Variants in JARID2 observed in about 807,000 individuals in gnomAD.
The protein encoded by JARID2 is jumonji and AT-rich interaction domain containing 2.
A neutral mutation model predicts 125.6 loss-of-function variants in JARID2; 21 were observed. That is an observed-to-expected ratio of 0.17 (90% CI 0.12 to 0.24). JARID2 has a LOEUF of 0.24. Among genes scored for constraint, JARID2 ranks in the 10% least tolerant of loss-of-function variants. The probability of loss-of-function intolerance (pLI) is 1.00; values close to 1 mark genes in which losing one functional copy is unlikely to be tolerated. For synonymous variants in JARID2, 736 were observed against 661.6 expected (o/e 1.11, Z -1.73); for missense variants, 1,303 against 1,639.6 (o/e 0.79, Z 3.55).
chr6:15,295,335 A>T (rs886072188), intron 1 of JARID2, among the ~76,000 whole-genome samples: 17 of 152,066 alleles, frequency 1.1e-4, no homozygotes, highest in African/African-American at 4.1e-4. Context: ...GTTAGCCAGG[A>T]TGGTCTTGAT....
intron 1 of JARID2, among the ~76,000 whole-genome samples, chr6:15,275,542 C>CCA (rs1554118168): frequency 9.3e-6 from 1 of 107,326 alleles, no homozygotes; most frequent in Non-Finnish European, 2.0e-5. Flanking sequence ...CGCCCCCCCC[C>CCA]CCGTCTTTTG....
intron 1 of JARID2, among the ~76,000 whole-genome samples, chr6:15,321,780 CTTGT>C (rs1409368539): frequency 1.3e-4 from 11 of 83,708 alleles, no homozygotes; most frequent in Admixed American, 8.3e-4. Flanking sequence ...TGGAAGAATT[CTTGT>C]TTTTTTTTTT....
chr6:15,269,052 T>A (rs2127348670), intron 1 of JARID2, among the ~76,000 whole-genome samples: 1 of 152,284 alleles, frequency 6.6e-6, no homozygotes, highest in South Asian at 2.1e-4. Flanking sequence ...TTGGGGAATG[T>A]CCTAGAATTT....
chr6:15,384,986 C>T (rs1032713157), intron 2 of JARID2, among the ~76,000 whole-genome samples: 16 of 152,208 alleles, frequency 1.1e-4, no homozygotes, highest in African/African-American at 2.7e-4. Flanking sequence ...TCCCTGTGCT[C>T]GCTCAGCTTC....
intron 5 of JARID2, among the ~76,000 whole-genome samples, chr6:15,479,191 T>G (rs1769494490): frequency 6.6e-6 from 1 of 152,184 alleles, no homozygotes; most frequent in South Asian, 2.1e-4. Flanking sequence ...TTAGAGTGAC[T>G]GATGCCCACA....
chr6:15,308,296 T>G (rs931935797), intron 1 of JARID2, among the ~76,000 whole-genome samples: 12 of 152,210 alleles, frequency 7.9e-5, no homozygotes, highest in Admixed American at 3.3e-4. Flanking sequence ...GGTGGGCGAT[T>G]TGAAAGTGAT....
chr6:15,518,169 AACGAAGCCTTTGCGGCTGAGC>A, intron 17 of JARID2, among the ~76,000 whole-genome samples: 2 of 152,340 alleles, frequency 1.3e-5, no homozygotes, highest in Non-Finnish European at 2.9e-5. Context: ...AGTTGCAAAT[AACGAAGCCTTTGCGGCTGAGC>A]ACGAGCATGG....
At chr6:15,433,741 C>T (rs1331024237) in intron 3 of JARID2, among the ~76,000 whole-genome samples, 1 of 152,130 alleles carries the variant, frequency 6.6e-6, no homozygotes, top group Non-Finnish European at 1.5e-5. Context: ...ATGTTTTTCT[C>T]CATTCTTTTG....
chr6:15,345,895 ATCTCTGC>A (rs762002048), intron 1 of JARID2, among the ~76,000 whole-genome samples: 25 of 152,182 alleles, frequency 1.6e-4, no homozygotes, highest in African/African-American at 2.4e-5. Context: ...CTGGGATTGA[ATCTCTGC>A]TCTGCTGCTT....
At chr6:15,339,645 C>T (rs560684915) in intron 1 of JARID2, among the ~76,000 whole-genome samples, 108 of 151,970 alleles carry the variant, frequency 7.1e-4, no homozygotes, top group Non-Finnish European at 1.4e-3. Flanking sequence ...AAGCGATTCT[C>T]CTGCCTCAGC....
chr6:15,488,946 C>T (rs569847056), intron 6 of JARID2, among the ~76,000 whole-genome samples: 7 of 152,188 alleles, frequency 4.6e-5, no homozygotes, highest in Non-Finnish European at 8.8e-5. Context: ...ATTGTCAGCA[C>T]TGGAGGCACA....
rs371566772 is a variant in JARID2 at position 15,453,698 on chromosome 6, C to G, written c.493+1523C>G. Among the ~76,000 whole-genome samples the G allele has an allele frequency of 4.6e-5, 7 of 152,300 alleles. No homozygotes were observed. The East Asian group carries it at 1.4e-3, about 29-fold the overall frequency. ...TAATCTGTTACTCCTATTATGTATT[C>G]TGATGTTCAGATTGTCCCAGATCAC... On this transcript the variant is annotated intron_variant, in intron 4 of 17. Transcript: ENST00000341776.
chr6:15,448,846 C>T (rs1052508199), intron 3 of JARID2, among the ~76,000 whole-genome samples: 1 of 152,090 alleles, frequency 6.6e-6, no homozygotes, highest in Non-Finnish European at 1.5e-5. Flanking sequence ...AATTGAGAGC[C>T]AGCCTTGAGA....
At chr6:15,480,283 CG>C (rs1398482682) in intron 5 of JARID2, among the ~76,000 whole-genome samples, 1 of 152,072 alleles carries the variant, frequency 6.6e-6, no homozygotes, top group African/African-American at 2.4e-5. Context: ...GCAGATGTTT[CG>C]GCTGACTTTC....
intron 11 of JARID2, 45 bp from the exon 12 acceptor site, chr6:15,508,295 G>A: frequency 1.1e-6 from 1 of 948,140 alleles, no homozygotes; most frequent in Non-Finnish European, 1.7e-6. Flanking sequence ...TTGAGACCTT[G>A]TTGCCTAGCT....
At chr6:15,249,253 C>G (rs1759340608) in intron 1 of JARID2, among the ~76,000 whole-genome samples, 1 of 152,210 alleles carries the variant, frequency 6.6e-6, no homozygotes, top group African/African-American at 2.4e-5. Flanking sequence ...GGTGCTTCAG[C>G]AGGATGTGGC....
At chr6:15,453,552 C>T (rs941993592) in intron 4 of JARID2, among the ~76,000 whole-genome samples, 2 of 152,164 alleles carry the variant, frequency 1.3e-5, no homozygotes, top group East Asian at 1.9e-4. Flanking sequence ...TAAAGTTGCC[C>T]GTCTCAGCCT....
chr6:15,349,717 T>TA (rs1444514527), intron 1 of JARID2, among the ~76,000 whole-genome samples: 1 of 152,044 alleles, frequency 6.6e-6, no homozygotes, highest in African/African-American at 2.4e-5. Flanking sequence ...CACCACCCCT[T>TA]ACGCTAGTGC....
chr6:15,500,995 C>G lies in JARID2; in HGVS notation c.2034C>G (p.Asn678Lys), dbSNP rs1261511825. ...AAGTGACTGACCTCAAAAAATGGAA[C>G]AAACTAGCAGACATGCTGCGCATCC... The part of the protein sequence containing the change: ...MQQVTDLKKW[N>K]KLADMLRIPR... Residue 678 changes from asparagine (N) to lysine (K), a missense_variant, in exon 8 of 18, where the codon AAC becomes AAG. By Grantham distance (94) the Asn-to-Lys change is moderately conservative (BLOSUM62 0). Transcript: ENST00000341776. 6.2e-7 allele frequency: 1 copy of G among 1,614,094 alleles called. No homozygotes were observed.
Sources: allele counts gnomAD v4.1 joint callset (sites outside exome capture counted in the v4.1 genomes callset), GRCh38; gene constraint gnomAD v4.1.1; transcripts MANE v1.5; gene names NCBI Gene and HGNC (gene_info 2026-07-23, HGNC 2026-07-21).